STIM2: variants seen among roughly 807,000 people sequenced by gnomAD.
STIM2 encodes the protein stromal interaction molecule 2.
Under a neutral mutation model 85.8 loss-of-function variants are expected in STIM2, and 31 were observed. The observed-to-expected ratio is 0.36, with a 90% CI of 0.27 to 0.49. The LOEUF is 0.49. Among genes scored for constraint, STIM2 ranks in the 20% least tolerant of loss-of-function variants. The probability of loss-of-function intolerance (pLI) is 0.98; values close to 1 mark genes in which losing one functional copy is unlikely to be tolerated. For synonymous variants in STIM2, 356 were observed against 331.1 expected, an observed-to-expected ratio of 1.08 and a Z score of -0.82; for missense variants, 841 against 927.6, an observed-to-expected ratio of 0.91 and a Z score of 1.21.
Position 27,023,078 on chromosome 4 carries a change from GTTTAAT to G in STIM2, c.*87_*92del. 7.1e-7 allele frequency: 1 copy of G among 1,401,444 alleles called. No individual in the cohort carries two copies. Among genetic ancestry groups the G allele is most frequent in the African/African-American group, 1.4e-5 (1 of 69,606 alleles). 86.8% of individuals were successfully genotyped at this position (1,401,444 alleles called of 1,614,324 possible). On this transcript the variant is annotated 3_prime_UTR_variant, in exon 12 of 12. Coordinates refer to ENST00000467087, the MANE Select transcript of STIM2 (RefSeq NM_020860.4). The stretch of plus-strand genomic sequence containing the variant: ...CCCTCCACTCCCCACCTTTTTTTTG[GTTTAAT>G]TTTAGGAATGTAACTCCATTGGGGC...
At chr4:26,944,568 G>C (rs1725741997) in intron 2 of STIM2, among the ~76,000 whole-genome samples, 1 of 152,058 alleles carries the variant, frequency 6.6e-6, no homozygotes, top group South Asian at 2.1e-4. Flanking sequence ...ATTAAAATTT[G>C]TTAAAATAGA....
intron 1 of STIM2, among the ~76,000 whole-genome samples, chr4:26,912,332 C>G (rs1188355245): frequency 6.6e-6 from 1 of 152,128 alleles, no homozygotes; most frequent in Admixed American, 6.6e-5. Flanking sequence ...CTTAGTTGTT[C>G]TTTTCTGCAT....
chr4:26,934,978 C>CAGAGAAT (rs1375049693), intron 2 of STIM2, among the ~76,000 whole-genome samples: 2 of 146,470 alleles, frequency 1.4e-5, no homozygotes, highest in Non-Finnish European at 3.0e-5. Flanking sequence ...GGAAAAAAAG[C>CAGAGAAT]AGAGAATGAG....
At chr4:27,005,710 G>C (rs1313471062) in intron 7 of STIM2, among the ~76,000 whole-genome samples, 1 of 152,178 alleles carries the variant, frequency 6.6e-6, no homozygotes, top group African/African-American at 2.4e-5. Flanking sequence ...TGGAAGGTCA[G>C]ACTTTCCACA....
chr4:26,930,555 T>C lies in STIM2; in HGVS notation c.282+10921T>C, dbSNP rs959020358. On this transcript the variant is annotated intron_variant, in intron 2 of 11. Coordinates refer to ENST00000467087, the MANE Select transcript of STIM2 (RefSeq NM_020860.4). ...ACCTACTTATCTGAAAAGTCCATTG[T>C]ACCTAGTATTTCAGTATTCCTTATG... Among the ~76,000 whole-genome samples the C allele has an allele frequency of 4.6e-5, 7 of 152,210 alleles. No individual in the cohort carries two copies. The East Asian group carries it at 1.3e-3, about 29-fold the overall frequency.
intron 3 of STIM2, among the ~76,000 whole-genome samples, chr4:26,988,103 A>G (rs1280631384): frequency 6.6e-6 from 1 of 152,234 alleles, no homozygotes; most frequent in Admixed American, 6.5e-5. Flanking sequence ...GTAAAGATGT[A>G]TAGTAAAATA....
At chr4:26,997,814 T>C (rs1268269261) in intron 4 of STIM2, among the ~76,000 whole-genome samples, 1 of 152,222 alleles carries the variant, frequency 6.6e-6, no homozygotes, top group African/African-American at 2.4e-5. Flanking sequence ...AAAGTACCTG[T>C]GGAGAAGATA....
chr4:26,903,202 G>GC (rs959638113), intron 1 of STIM2, among the ~76,000 whole-genome samples: 1 of 151,976 alleles, frequency 6.6e-6, no homozygotes, highest in African/African-American at 2.4e-5. Flanking sequence ...AAATAACTTG[G>GC]CCCCCTACCT....
At chr4:26,887,478 T>C (rs929791378) in intron 1 of STIM2, among the ~76,000 whole-genome samples, 1 of 152,178 alleles carries the variant, frequency 6.6e-6, no homozygotes, top group Non-Finnish European at 1.5e-5. Flanking sequence ...TCAGATACTT[T>C]GGGTGGTTGG....
At chr4:26,950,044 C>T (rs555993330) in intron 2 of STIM2, among the ~76,000 whole-genome samples, 11 of 152,228 alleles carry the variant, frequency 7.2e-5, no homozygotes, top group Middle Eastern at 3.4e-3. Context: ...GTGTAACACA[C>T]GGTATTCTCA....
intron 1 of STIM2, among the ~76,000 whole-genome samples, chr4:26,912,210 A>T (rs1191098738): frequency 6.6e-6 from 1 of 152,168 alleles, no homozygotes; most frequent in Admixed American, 6.6e-5. Flanking sequence ...TAATCATGAG[A>T]TTCACTAAAT....
chr4:26,885,223 A>G (rs917352193), intron 1 of STIM2, among the ~76,000 whole-genome samples: 13 of 152,138 alleles, frequency 8.5e-5, no homozygotes, highest in African/African-American at 3.1e-4. Context: ...ACTTAAATAC[A>G]GTATAACAGT....
At position 26,989,400 on chromosome 4, in the gene STIM2, A is replaced by G. The variant is rs780144173; in HGVS notation, c.398-5979A>G. 2.6e-5 allele frequency among the ~76,000 whole-genome samples: 4 copies of G among 152,352 alleles called. No homozygotes were observed. In the South Asian group the frequency reaches 8.3e-4, roughly 32 times the overall value. ...CAATAGATGCTAAAAAGCATTTAAT[A>G]AATTCAGCATCCCTTCATGATAAAA... is the stretch of plus-strand genomic sequence containing the variant. On this transcript the variant is annotated intron_variant, in intron 3 of 11. Coordinates refer to ENST00000467087, the MANE Select transcript of STIM2 (RefSeq NM_020860.4).
At chr4:26,990,958 G>A (rs993007956) in intron 3 of STIM2, among the ~76,000 whole-genome samples, 1 of 152,072 alleles carries the variant, frequency 6.6e-6, no homozygotes, top group East Asian at 1.9e-4. Context: ...GTGGAGAAAG[G>A]GGAACTCTTA....
chr4:27,021,351 T>G (rs1438343428), intron 11 of STIM2: 3 of 396,810 alleles, frequency 7.6e-6, no homozygotes, highest in African/African-American at 4.1e-5. Flanking sequence ...AGAATGCTGT[T>G]TCAGACAAGG....
chr4:26,935,110 T>G (rs1015075261), intron 2 of STIM2, among the ~76,000 whole-genome samples: 2 of 152,096 alleles, frequency 1.3e-5, no homozygotes, highest in African/African-American at 4.8e-5. Flanking sequence ...TATTTTAAAA[T>G]TTAATTTATA....
intron 1 of STIM2, among the ~76,000 whole-genome samples, chr4:26,915,131 A>C (rs1322512745): frequency 6.6e-6 from 1 of 152,208 alleles, no homozygotes; most frequent in African/African-American, 2.4e-5. Flanking sequence ...TGGAAAATAG[A>C]GATATTATCT....
In STIM2 at chr4:27,003,110, T is replaced by A; in HGVS notation, c.981+6T>A. On this transcript the variant is annotated splice_donor_region_variant and intron_variant, in intron 7 of 11. Coordinates refer to ENST00000467087, the MANE Select transcript of STIM2 (RefSeq NM_020860.4). Reference sequence around the variant, plus strand: ...CAGAACAGGAATTGGAACAGGTATTTACATTAAAAAAAAAATCACTTGTAA... The same window carrying A: ...CAGAACAGGAATTGGAACAGGTATTAACATTAAAAAAAAAATCACTTGTAA... 1 of 1,559,150 alleles carries A rather than the reference T, an allele frequency of 6.4e-7. No individual in the cohort carries two copies. Among genetic ancestry groups the A allele is most frequent in the Admixed American group, 2.2e-5 (1 of 46,190 alleles).
chr4:26,895,816 G>GTC (rs1340682543), intron 1 of STIM2, among the ~76,000 whole-genome samples: 1 of 152,180 alleles, frequency 6.6e-6, no homozygotes, highest in African/African-American at 2.4e-5. Flanking sequence ...CTACCTCAAA[G>GTC]TCATTCTCTT....
Sources: gnomAD v4.1 joint callset for allele counts (sites outside exome capture counted in the v4.1 genomes callset) on GRCh38, gnomAD v4.1.1 for gene constraint, MANE v1.5 for transcripts, NCBI Gene and HGNC (gene_info 2026-07-23, HGNC 2026-07-21) for gene names.